The following TMEM220 variants were observed in gnomAD, a reference collection of about 807,000 sequenced individuals.
TMEM220 encodes transmembrane protein 220.
Under a neutral mutation model 21.7 loss-of-function variants are expected in TMEM220, and 21 were observed. The observed-to-expected ratio is 0.97, with a 90% CI of 0.69 to 1.39. TMEM220 has a LOEUF of 1.39. Among genes scored for constraint, TMEM220 ranks in the 40% most tolerant of loss-of-function variants. The pLI is 0.00. For missense variants in TMEM220, 191 were observed against 201.9 expected, an observed-to-expected ratio of 0.95 and a Z score of 0.33; for synonymous variants, 80 against 73.6, an observed-to-expected ratio of 1.09 and a Z score of -0.45.
intron 5 of TMEM220, among the ~76,000 whole-genome samples, chr17:10,718,251 TTCA>T (rs1398375506): frequency 6.6e-6 from 1 of 152,234 alleles, no homozygotes; most frequent in East Asian, 1.9e-4. Flanking sequence ...TGTAAAGTTC[TTCA>T]TCATATCCAC....
intron 5 of TMEM220, among the ~76,000 whole-genome samples, chr17:10,722,205 G>A (rs2075001489): frequency 6.6e-6 from 1 of 152,088 alleles, no homozygotes; most frequent in African/African-American, 2.4e-5. Context: ...ATGTTGGCCA[G>A]GCTGGTCTCG....
At chr17:10,726,351 T>C (rs911444872) in intron 2 of TMEM220, 87 bp from the exon 3 acceptor site, 11 of 1,085,792 alleles carry the variant, frequency 1.0e-5, no homozygotes, top group Non-Finnish European at 1.6e-5. Context: ...TAAAGAAAGA[T>C]GAGATCAGTG....
At chr17:10,711,403 A>T (rs995241103), downstream of TMEM220, among the ~76,000 whole-genome samples, 1 of 152,048 alleles carries the variant, frequency 6.6e-6, no homozygotes, top group Non-Finnish European at 1.5e-5. Context: ...CTCATGAGGG[A>T]TCTTATTTGG....
At chr17:10,726,357 C>T (rs942915947) in intron 2 of TMEM220, 93 bp from the exon 3 acceptor site, 1 of 1,036,638 alleles carries the variant, frequency 9.6e-7, no homozygotes, top group African/African-American at 1.6e-5. Context: ...AAGATGAGAT[C>T]AGTGGCTGCT....
chr17:10,715,994 C>T, intron 5 of TMEM220: 2 of 446,688 alleles, frequency 4.5e-6, no homozygotes, highest in South Asian at 2.2e-5. Flanking sequence ...TAAAAATATA[C>T]TGCCCTGACA....
At chr17:10,720,778 G>C (rs145772251) in intron 5 of TMEM220, among the ~76,000 whole-genome samples, 2 of 152,174 alleles carry the variant, frequency 1.3e-5, no homozygotes, top group East Asian at 3.9e-4. Context: ...TCCCTTAGTA[G>C]GTTATATCCT....
Position 10,729,824 on chromosome 17 carries a change from T to C in TMEM220, c.28A>G (p.Asn10Asp), listed in dbSNP as rs766993957. MAPALWRACNGLMAAFFALA... is the reference protein window; with the variant it reads MAPALWRACDGLMAAFFALA... ...GCGAAGAAGGCGGCCATGAGTCCGT[T>C]GCAGGCCCGCCACAGCGCTGGCGCC... Residue 10 changes from asparagine (N) to aspartate (D), a missense_variant, in exon 1 of 6, where the codon AAC becomes GAC. Coordinates refer to ENST00000341871, the MANE Select transcript of TMEM220 (RefSeq NM_001004313.3). 7.2e-7 allele frequency: 1 copy of C among 1,394,654 alleles called. No individual in the cohort carries two copies. The highest frequency in any genetic ancestry group is 9.4e-7 in the Non-Finnish European group (1 of 1,066,086). 86.4% of individuals were successfully genotyped at this position (1,394,654 alleles called of 1,614,324 possible).
rs4792022 is a variant in TMEM220, at chr17:10,725,263, C to T, written c.164-129G>A. On this transcript the variant is annotated intron_variant, in intron 3 of 5. Transcript: ENST00000341871. ...ATTCAGACTCCCTCAGCCCCATCGC[C>T]CCTTTTTGTTTTAGGACAACACAGA... 480 of 1,318,138 alleles carry T rather than the reference C, an allele frequency of 3.6e-4. No individual in the cohort carries two copies. In the African/African-American group the frequency reaches 5.8e-3, roughly 16 times the overall value. The allele number at this position is 1,318,138 out of a possible 1,614,324, so 81.7% of individuals were successfully genotyped here. A position where few individuals can be genotyped will look rare whatever the true frequency, so the allele number is the denominator to read the frequency against.
At chr17:10,727,333 G>C (rs1214743920) in intron 2 of TMEM220, among the ~76,000 whole-genome samples, 2 of 152,056 alleles carry the variant, frequency 1.3e-5, no homozygotes, top group African/African-American at 4.8e-5. Flanking sequence ...GTTTTGAGGG[G>C]CTCTCCAAGG....
intron 5 of TMEM220, among the ~76,000 whole-genome samples, chr17:10,718,677 TTTC>T (rs1366530550): frequency 6.6e-6 from 1 of 152,218 alleles, no homozygotes; most frequent in Non-Finnish European, 1.5e-5. Flanking sequence ...TCCATTGTGA[TTTC>T]TTCTTTGACC....
At chr17:10,724,922 T>C (rs2075031243) in intron 4 of TMEM220, 89 bp downstream of exon 4, 2 of 1,550,184 alleles carry the variant, frequency 1.3e-6, no homozygotes, top group Admixed American at 1.7e-5. Context: ...AATTCAGTTA[T>C]CATTGTGCAC....
intron 2 of TMEM220, 141 bp from the exon 3 acceptor site, chr17:10,726,405 G>C (rs2075050044): frequency 1.4e-6 from 1 of 699,962 alleles, no homozygotes; most frequent in Admixed American, 2.2e-5. Context: ...AATGGTGATT[G>C]AGAAAGTGGT....
downstream of TMEM220, among the ~76,000 whole-genome samples, chr17:10,712,100 T>C (rs2151466169): frequency 1.3e-5 from 2 of 152,330 alleles, 1 homozygote; most frequent in South Asian, 4.1e-4. Flanking sequence ...CATTTCCACT[T>C]GGCTGAAACC....
rs191636689 is a variant in TMEM220 at position 10,716,840 on chromosome 17, C to T, written c.348-1252G>A. On this transcript the variant is annotated intron_variant, in intron 5 of 5. Coordinates refer to ENST00000341871, the MANE Select transcript of TMEM220 (RefSeq NM_001004313.3). Reference sequence around the variant, plus strand: ...CATCCTTTTGTCATTATATGTTTAGCCCTCCAATTATTTAGGTCTTCTTCA... The same window carrying T: ...CATCCTTTTGTCATTATATGTTTAGTCCTCCAATTATTTAGGTCTTCTTCA... Among the ~76,000 whole-genome samples the T allele has an allele frequency of 2.0e-5, 3 of 152,262 alleles. No individual in the cohort carries two copies. In the East Asian group the frequency reaches 5.8e-4, roughly 29 times the overall value.
chr17:10,727,011 C>T (rs1296005731), intron 2 of TMEM220, among the ~76,000 whole-genome samples: 1 of 152,138 alleles, frequency 6.6e-6, no homozygotes, highest in Non-Finnish European at 1.5e-5. Flanking sequence ...GATGTTAAGG[C>T]AGGTGCCAGG....
Position 10,729,178 on chromosome 17 carries a change from G to C in TMEM220, c.73-118C>G, listed in dbSNP as rs960167666. The C allele has an allele frequency of 6.0e-6, 7 of 1,172,950 alleles. No individual in the cohort carries two copies. The Admixed American group carries it at 9.4e-5, about 16-fold the overall frequency. The allele number at this position is 1,172,950 out of a possible 1,614,324, so 72.7% of individuals were successfully genotyped here. On this transcript the variant is annotated intron_variant, in intron 1 of 5. Transcript: ENST00000341871. ...AGTGCCAGACACTGCAATAGGCATC[G>C]AGGGTACAAAATCTGAACAGGATAT... is the stretch of plus-strand genomic sequence containing the variant.
intron 3 of TMEM220, 147 bp downstream of exon 3, chr17:10,726,057 T>C: frequency 3.1e-6 from 2 of 636,498 alleles, no homozygotes; most frequent in Non-Finnish European, 5.6e-6. Flanking sequence ...TGGGTAAGGA[T>C]GATTAGAATT....
At position 10,723,045 on chromosome 17, in the gene TMEM220, G is replaced by A. The variant is rs146035036; in HGVS notation, c.347+225C>T. Among the ~76,000 whole-genome samples, 141 of 148,790 alleles carry A rather than the reference G, an allele frequency of 9.5e-4. 1 individual carries two copies. In the East Asian group the frequency reaches 0.022, roughly 23 times the overall value. On this transcript the variant is annotated intron_variant, in intron 5 of 5. Transcript: ENST00000341871. Reference sequence around the variant, plus strand: ...GCCCAGGCTGGAGTGCAGTGGCACAGTCTTGGCTCACTGCAACCTCTGTCT... The same window carrying A: ...GCCCAGGCTGGAGTGCAGTGGCACAATCTTGGCTCACTGCAACCTCTGTCT...
At chr17:10,720,560 A>G (rs989726556) in intron 5 of TMEM220, among the ~76,000 whole-genome samples, 9 of 152,204 alleles carry the variant, frequency 5.9e-5, no homozygotes, top group African/African-American at 2.2e-4. Flanking sequence ...GGGAAGCTAT[A>G]GGGTCAGGGG....
Sources: gnomAD v4.1 joint callset for allele counts (sites outside exome capture counted in the v4.1 genomes callset) on GRCh38, gnomAD v4.1.1 for gene constraint, MANE v1.5 for transcripts, NCBI Gene and HGNC (gene_info 2026-07-23, HGNC 2026-07-21) for gene names.